DPP10: variants seen among roughly 807,000 people sequenced by gnomAD.
The protein encoded by DPP10 is inactive dipeptidyl peptidase 10.
In DPP10, 33 loss-of-function variants were observed where a neutral mutation model predicts 120.9. The ratio of observed to expected loss-of-function variants is 0.27; its 90% CI spans 0.21 to 0.37. The LOEUF is 0.37. Ranked by LOEUF, DPP10 falls within the 10% of genes least tolerant of loss-of-function variation. The pLI is 1.00. For missense variants in DPP10, 816 were observed against 942.8 expected, an observed-to-expected ratio of 0.87 and a Z score of 1.76; for synonymous variants, 337 against 326.1, an observed-to-expected ratio of 1.03 and a Z score of -0.36.
At chr2:114,651,844 G>C (rs940238290) in intron 1 of DPP10, among the ~76,000 whole-genome samples, 3 of 152,162 alleles carry the variant, frequency 2.0e-5, no homozygotes, top group African/African-American at 7.2e-5. Context: ...GAGCAGGCTT[G>C]CTGGGAGCCT....
chr2:115,202,270 A>G (rs2105302509), intron 1 of DPP10, among the ~76,000 whole-genome samples: 1 of 152,328 alleles, frequency 6.6e-6, no homozygotes, highest in East Asian at 1.9e-4. Flanking sequence ...AATAAAGGCT[A>G]CTGAATTTTA....
chr2:115,143,657 T>C (rs984252448), intron 1 of DPP10, among the ~76,000 whole-genome samples: 2 of 152,234 alleles, frequency 1.3e-5, no homozygotes, highest in Non-Finnish European at 2.9e-5. Flanking sequence ...GGCTTGATCT[T>C]GCTGAGGATG....
intron 1 of DPP10, among the ~76,000 whole-genome samples, chr2:115,004,886 T>A (rs1195758516): frequency 6.6e-6 from 1 of 152,138 alleles, no homozygotes; most frequent in African/African-American, 2.4e-5. Flanking sequence ...GAGGCCTGCC[T>A]GCCTGTGTAG....
At chr2:115,531,150 T>TG (rs1415978058) in intron 5 of DPP10, among the ~76,000 whole-genome samples, 5 of 131,322 alleles carry the variant, frequency 3.8e-5, no homozygotes, top group South Asian at 2.5e-4. Context: ...AAGATTGAGT[T>TG]TTTTTTTTTT....
At chr2:115,273,376 CTG>C (rs2059779734) in intron 1 of DPP10, among the ~76,000 whole-genome samples, 1 of 152,122 alleles carries the variant, frequency 6.6e-6, no homozygotes, top group African/African-American at 2.4e-5. Context: ...GAGTCTCCCT[CTG>C]TGGCCCAGGC....
intron 1 of DPP10, among the ~76,000 whole-genome samples, chr2:114,710,320 A>T (rs751637106): frequency 1.3e-5 from 2 of 152,202 alleles, no homozygotes; most frequent in Non-Finnish European, 2.9e-5. Flanking sequence ...ATCTTTATGA[A>T]AAACTTTGCT....
chr2:115,093,395 C>G (rs959766665), intron 1 of DPP10, among the ~76,000 whole-genome samples: 1 of 151,936 alleles, frequency 6.6e-6, no homozygotes, highest in Non-Finnish European at 1.5e-5. Context: ...TGTGTTATTA[C>G]TTTGTACAAT....
intron 1 of DPP10, among the ~76,000 whole-genome samples, chr2:115,285,456 C>T (rs901284008): frequency 2.0e-5 from 3 of 151,978 alleles, no homozygotes; most frequent in Non-Finnish European, 4.4e-5. Context: ...TTAAAAGTTC[C>T]TTTCAGTGTA....
At chr2:114,549,187 C>A (rs1687664225) in intron 1 of DPP10, among the ~76,000 whole-genome samples, 1 of 151,582 alleles carries the variant, frequency 6.6e-6, no homozygotes, top group Non-Finnish European at 1.5e-5. Context: ...CGTGAGCTGG[C>A]CCCATGCACT....
intron 1 of DPP10, among the ~76,000 whole-genome samples, chr2:115,201,084 C>A (rs1342305654): frequency 2.6e-5 from 4 of 151,456 alleles, no homozygotes; most frequent in Non-Finnish European, 4.4e-5. Flanking sequence ...CCAGGCATTA[C>A]AAAATCTGAA....
chr2:114,924,465 T>C (rs1695446248), intron 1 of DPP10, among the ~76,000 whole-genome samples: 1 of 151,510 alleles, frequency 6.6e-6, no homozygotes. Context: ...AGGCAGAGTT[T>C]GCAGTGAGCT....
intron 1 of DPP10, among the ~76,000 whole-genome samples, chr2:114,448,410 T>A (rs1678062091): frequency 6.6e-6 from 1 of 152,234 alleles, no homozygotes; most frequent in African/African-American, 2.4e-5. Context: ...GACAAATTAC[T>A]AACTCTCACT....
At chr2:114,730,486 A>G (rs17043440) in intron 1 of DPP10, among the ~76,000 whole-genome samples, 6,342 of 152,320 alleles carry the variant, frequency 0.042, 174 homozygotes, top group Middle Eastern at 0.095. Flanking sequence ...CCTGGCATGC[A>G]GAGTTGATCA....
At chr2:115,470,489 C>T (rs1237699837) in intron 3 of DPP10, among the ~76,000 whole-genome samples, 2 of 152,224 alleles carry the variant, frequency 1.3e-5, no homozygotes, top group East Asian at 3.9e-4. Flanking sequence ...AAACATGCCT[C>T]TCTCATTGGG....
intron 1 of DPP10, among the ~76,000 whole-genome samples, chr2:114,865,292 C>T (rs1690134471): frequency 6.6e-6 from 1 of 152,100 alleles, no homozygotes; most frequent in Non-Finnish European, 1.5e-5. Flanking sequence ...CTGAAAATGA[C>T]AGTTATGTAA....
chr2:115,463,366 T>C (rs753925368), intron 3 of DPP10, among the ~76,000 whole-genome samples: 12 of 152,214 alleles, frequency 7.9e-5, no homozygotes, highest in Non-Finnish European at 1.6e-4. Context: ...GAACTAATTA[T>C]GATGCTTTCA....
At chr2:115,151,659 G>A (rs1458685340) in intron 1 of DPP10, among the ~76,000 whole-genome samples, 2 of 151,284 alleles carry the variant, frequency 1.3e-5, no homozygotes, top group Non-Finnish European at 2.9e-5. Flanking sequence ...CACCCGCCTC[G>A]GCTTCCCAAA....
At chr2:114,809,527 G>A (rs1685008933) in intron 1 of DPP10, among the ~76,000 whole-genome samples, 1 of 152,150 alleles carries the variant, frequency 6.6e-6, no homozygotes, top group African/African-American at 2.4e-5. Flanking sequence ...GCAGTAAGTG[G>A]AGTCTTTAAA....
intron 1 of DPP10, among the ~76,000 whole-genome samples, chr2:114,745,219 T>C: frequency 6.6e-6 from 1 of 152,210 alleles, no homozygotes; most frequent in East Asian, 1.9e-4. Flanking sequence ...TTCAGAGGTT[T>C]CAAAGACTTT....
Sources: gnomAD v4.1 joint callset for allele counts (sites outside exome capture counted in the v4.1 genomes callset) on GRCh38, gnomAD v4.1.1 for gene constraint, MANE v1.5 for transcripts, NCBI Gene and HGNC (gene_info 2026-07-23, HGNC 2026-07-21) for gene names.